The following CLIP2 variants were observed in gnomAD, a reference collection of about 807,000 sequenced individuals.
CLIP2 encodes the protein CAP-Gly domain containing linker protein 2.
Under a neutral mutation model 111.7 loss-of-function variants are expected in CLIP2, and 41 were observed. The observed-to-expected ratio is 0.37, with a 90% CI of 0.29 to 0.48. The LOEUF is 0.48. Ranked by LOEUF, CLIP2 falls within the 20% of genes least tolerant of loss-of-function variation. The probability of loss-of-function intolerance (pLI) is 0.99; values close to 1 mark genes in which losing one functional copy is unlikely to be tolerated. For missense variants in CLIP2, 1,160 were observed against 1,422.1 expected, an observed-to-expected ratio of 0.82 and a Z score of 2.96; for synonymous variants, 660 against 644.2, an observed-to-expected ratio of 1.02 and a Z score of -0.37.
At chr7:74,401,657 A>C in intron 16 of CLIP2, 90 bp downstream of exon 16, 2 of 1,295,618 alleles carry the variant, frequency 1.5e-6, no homozygotes, top group Non-Finnish European at 2.2e-6. Context: ...AATACACACA[A>C]AGATGCATTC....
At chr7:74,322,525 G>A (rs2116514500) in intron 2 of CLIP2, among the ~76,000 whole-genome samples, 1 of 151,786 alleles carries the variant, frequency 6.6e-6, no homozygotes. Flanking sequence ...TCAGTGAGCC[G>A]AGACCACACC....
chr7:74,315,939 G>C (rs1161980545), intron 1 of CLIP2, among the ~76,000 whole-genome samples: 3 of 150,488 alleles, frequency 2.0e-5, no homozygotes, highest in South Asian at 2.1e-4. Context: ...TTGTTACATA[G>C]GTAAACGTGT....
intron 15 of CLIP2, 38 bp from the exon 16 acceptor site, chr7:74,401,453 CGGGAACTGCTGCCT>C (rs1791615902): frequency 6.4e-7 from 1 of 1,573,986 alleles, no homozygotes; most frequent in Non-Finnish European, 8.7e-7. Flanking sequence ...GTGGGAAAAT[CGGGAACTGCTGCCT>C]GGTGCACCTG....
At chr7:74,346,812 T>C (rs762368706) in intron 3 of CLIP2, among the ~76,000 whole-genome samples, 91 of 150,846 alleles carry the variant, frequency 6.0e-4, no homozygotes, top group Non-Finnish European at 1.0e-3. Context: ...GGTGGGAGGA[T>C]TGCTTGAGCC....
chr7:74,299,427 C>G (rs138422010), intron 1 of CLIP2, among the ~76,000 whole-genome samples: 1 of 152,308 alleles, frequency 6.6e-6, no homozygotes, highest in African/African-American at 2.4e-5. Flanking sequence ...AAGTTCTGTT[C>G]CTCCTCCACT....
chr7:74,343,228 C>T (rs113809197), intron 3 of CLIP2, among the ~76,000 whole-genome samples: 127 of 151,754 alleles, frequency 8.4e-4, no homozygotes, highest in African/African-American at 2.9e-3. Context: ...GGAGCAGGAA[C>T]GGCAGGGCCC....
At chr7:74,316,833 A>G (rs1788786658) in intron 1 of CLIP2, among the ~76,000 whole-genome samples, 1 of 152,152 alleles carries the variant, frequency 6.6e-6, no homozygotes, top group Non-Finnish European at 1.5e-5. Context: ...AAGTGCTGGG[A>G]TTACAGGCAT....
At chr7:74,320,305 C>T (rs1264287515) in intron 2 of CLIP2, among the ~76,000 whole-genome samples, 7 of 151,592 alleles carry the variant, frequency 4.6e-5, no homozygotes, top group Non-Finnish European at 7.4e-5. Context: ...GCAGGAGGAT[C>T]GCTTGAGCAG....
chr7:74,364,694 A>G, intron 8 of CLIP2: 1 of 354,312 alleles, frequency 2.8e-6, no homozygotes, highest in South Asian at 2.2e-5. Context: ...TAGCTTGCTG[A>G]GTCACAGAAT....
chr7:74,314,368 G>A (rs933801910), intron 1 of CLIP2, among the ~76,000 whole-genome samples: 2 of 152,016 alleles, frequency 1.3e-5, no homozygotes, highest in Admixed American at 1.3e-4. Flanking sequence ...GCAGATATCT[G>A]TAGTCCCAGC....
At chr7:74,392,739 A>G (rs1791328209) in intron 13 of CLIP2, among the ~76,000 whole-genome samples, 1 of 152,144 alleles carries the variant, frequency 6.6e-6, no homozygotes, top group Admixed American at 6.5e-5. Flanking sequence ...GAATCACTTG[A>G]ACTAGGAGGT....
In CLIP2 at chr7:74,289,487, G is replaced by C. The variant is rs1315254154; in HGVS notation, c.-315G>C. 6.6e-6 allele frequency: 1 copy of C among 150,864 alleles called. No homozygotes were observed. Among genetic ancestry groups the C allele is most frequent in the Non-Finnish European group, 1.5e-5 (1 of 67,516 alleles). 9.3% of individuals were successfully genotyped at this position (150,864 alleles called of 1,614,324 possible). A position where few individuals can be genotyped will look rare whatever the true frequency, so the allele number is the denominator to read the frequency against. ...CGGGCGCTCAGCTCGGCTCGGCCGC[G>C]GGGCGCGCAGGCGGCTGCTGGGCGG... On this transcript the variant is annotated 5_prime_UTR_variant, in exon 1 of 17. Coordinates refer to ENST00000223398, the MANE Select transcript of CLIP2 (RefSeq NM_003388.5).
intron 2 of CLIP2, among the ~76,000 whole-genome samples, chr7:74,335,643 T>TTTCC (rs199977061): frequency 0.17 from 23,629 of 137,786 alleles, 2,448 homozygotes; most frequent in African/African-American, 0.27. Flanking sequence ...CCTGGCTTAT[T>TTTCC]TTCCTTCCTT....
intron 2 of CLIP2, among the ~76,000 whole-genome samples, chr7:74,334,003 G>T (rs1170381597): frequency 2.0e-5 from 3 of 152,210 alleles, no homozygotes; most frequent in African/African-American, 7.2e-5. Context: ...TGGCTCCCCT[G>T]GGAGGAGACG....
intron 8 of CLIP2, among the ~76,000 whole-genome samples, chr7:74,368,698 A>G (rs1419697176): frequency 6.6e-6 from 1 of 152,056 alleles, no homozygotes; most frequent in Non-Finnish European, 1.5e-5. Context: ...TCCAAAGTCC[A>G]TTCTCCACAC....
At chr7:74,372,900 C>T in intron 8 of CLIP2, 32 bp from the exon 9 acceptor site, 3 of 889,178 alleles carry the variant, frequency 3.4e-6, no homozygotes, top group Non-Finnish European at 3.5e-6. Flanking sequence ...CCCGCCCCCA[C>T]CCCCCCACCG....
intron 1 of CLIP2, among the ~76,000 whole-genome samples, chr7:74,290,043 C>T (rs1554725174): frequency 6.6e-6 from 1 of 152,196 alleles, no homozygotes; most frequent in Non-Finnish European, 1.5e-5. Flanking sequence ...TCCCTACCCT[C>T]GGACGGGGGT....
chr7:74,346,739 AAAAC>A (rs547329566), intron 3 of CLIP2, among the ~76,000 whole-genome samples: 9,812 of 58,820 alleles, frequency 0.17, 700 homozygotes, highest in Non-Finnish European at 0.24. Flanking sequence ...AAAAAAAAAA[AAAAC>A]AAAACACTGG....
intron 1 of CLIP2, among the ~76,000 whole-genome samples, chr7:74,299,259 A>T (rs1353451755): frequency 6.6e-6 from 1 of 152,062 alleles, no homozygotes; most frequent in Non-Finnish European, 1.5e-5. Context: ...CAGGAGTTTG[A>T]GGCTGCAGTG....
Sources: gnomAD v4.1 joint callset for allele counts (sites outside exome capture counted in the v4.1 genomes callset) on GRCh38, gnomAD v4.1.1 for gene constraint, MANE v1.5 for transcripts, NCBI Gene and HGNC (gene_info 2026-07-23, HGNC 2026-07-21) for gene names.